The following DNMBP variants were observed in gnomAD, a reference collection of about 807,000 sequenced individuals.
DNMBP encodes dynamin-binding protein.
In DNMBP, 87 loss-of-function variants were observed where a neutral mutation model predicts 150.0. That is an observed-to-expected ratio of 0.58 (90% CI 0.49 to 0.69). DNMBP has a LOEUF of 0.69. Ranked by LOEUF, DNMBP falls within the 30% of genes least tolerant of loss-of-function variation. The pLI is 0.00. For synonymous variants in DNMBP, 711 were observed against 750.4 expected (o/e 0.95, Z 0.86); for missense variants, 1,774 against 1,949.0 (o/e 0.91, Z 1.69).
chr10:99,893,715 C>T (rs1216389696), intron 11 of DNMBP, among the ~76,000 whole-genome samples: 1 of 152,112 alleles, frequency 6.6e-6, no homozygotes, highest in Non-Finnish European at 1.5e-5. Context: ...GAGAGTGAGA[C>T]TCTGTCTCAA....
chr10:99,943,891 G>T (rs967064537), intron 4 of DNMBP, among the ~76,000 whole-genome samples: 4 of 152,140 alleles, frequency 2.6e-5, no homozygotes, highest in African/African-American at 9.7e-5. Context: ...GCTGTCTTTA[G>T]TGCATCTTAG....
chr10:99,942,494 C>T (rs2040311195), intron 4 of DNMBP, among the ~76,000 whole-genome samples: 1 of 152,150 alleles, frequency 6.6e-6, no homozygotes, highest in Non-Finnish European at 1.5e-5. Context: ...GGTGGGAACA[C>T]TCGCAACTAA....
intron 16 of DNMBP, 99 bp downstream of exon 16, chr10:99,879,712 C>T: frequency 6.4e-7 from 1 of 1,551,398 alleles, no homozygotes; most frequent in Non-Finnish European, 8.7e-7. Flanking sequence ...TCAGATCACC[C>T]CTAGGCCTCA....
intron 4 of DNMBP, among the ~76,000 whole-genome samples, chr10:99,931,620 T>C (rs1164710077): frequency 6.6e-6 from 1 of 152,206 alleles, no homozygotes; most frequent in African/African-American, 2.4e-5. Context: ...AGTTAATTCA[T>C]ACAACATATT....
chr10:99,915,140 C>CACACAT (rs1554863128), intron 4 of DNMBP, among the ~76,000 whole-genome samples: 2 of 137,228 alleles, frequency 1.5e-5, no homozygotes, highest in Admixed American at 7.5e-5. Flanking sequence ...CACACACACA[C>CACACAT]ATATATATAC....
Position 99,934,755 on chromosome 10 carries a change from A to C in DNMBP, c.2260+20459T>G, listed in dbSNP as rs918461156. Among the ~76,000 whole-genome samples the C allele has an allele frequency of 1.0e-4, 13 of 126,608 alleles. 1 individual carries two copies. The highest frequency in any genetic ancestry group is 9.0e-4 in the Admixed American group (11 of 12,222). The allele number at this position is 126,608 out of a possible 152,430, so 83.1% of individuals were successfully genotyped here. Reference sequence around the variant, plus strand: ...AAATAATGCGTGGGGACAAGATTTCAAAGGGTGAGATGGTGGGAATTGGAC... The same window carrying C: ...AAATAATGCGTGGGGACAAGATTTCCAAGGGTGAGATGGTGGGAATTGGAC... On this transcript the variant is annotated intron_variant, in intron 4 of 16. Coordinates refer to ENST00000324109, the MANE Select transcript of DNMBP (RefSeq NM_015221.4).
intron 1 of DNMBP, among the ~76,000 whole-genome samples, chr10:100,006,569 T>C (rs1412042539): frequency 2.0e-5 from 3 of 152,148 alleles, no homozygotes; most frequent in Non-Finnish European, 4.4e-5. Flanking sequence ...TCAACTTCAC[T>C]GTTCAAAGCT....
intron 5 of DNMBP, among the ~76,000 whole-genome samples, chr10:99,908,462 G>T (rs2039853852): frequency 6.6e-6 from 1 of 152,172 alleles, no homozygotes; most frequent in East Asian, 1.9e-4. Context: ...CAGCCCAGCT[G>T]GTCAAGTTAC....
chr10:99,964,135 C>CTTTTTTTTT lies in DNMBP; in HGVS notation c.268+4971_268+4979dup, dbSNP rs895801002. Reference sequence around the variant, plus strand: ...GTCTTTTCCTTGTCCTATTCTCTCTCTTTTTTTTTTTTTTTTTTTTTTTTG... The same window carrying CTTTTTTTTT: ...GTCTTTTCCTTGTCCTATTCTCTCTCTTTTTTTTTTTTTTTTTTTTTTTTTTTTTTTTTG... On this transcript the variant is annotated intron_variant, in intron 3 of 16. Transcript: ENST00000324109. Among the ~76,000 whole-genome samples the CTTTTTTTTT allele has an allele frequency of 4.7e-4, 41 of 87,216 alleles. 2 individuals carry two copies. The highest frequency in any genetic ancestry group is 1.9e-3 in the African/African-American group (38 of 20,488). The allele number at this position is 87,216 out of a possible 152,430, so 57.2% of individuals were successfully genotyped here. A position where few individuals can be genotyped will look rare whatever the true frequency, so the allele number is the denominator to read the frequency against.
At chr10:99,884,774 A>G (rs1435936818) in intron 14 of DNMBP, among the ~76,000 whole-genome samples, 1 of 152,084 alleles carries the variant, frequency 6.6e-6, no homozygotes, top group African/African-American at 2.4e-5. Context: ...ATGGTAACGC[A>G]TGCCTGTAAT....
intron 1 of DNMBP, among the ~76,000 whole-genome samples, chr10:99,994,020 G>T (rs946322534): frequency 1.3e-5 from 2 of 152,184 alleles, no homozygotes; most frequent in African/African-American, 4.8e-5. Context: ...AACAAACACA[G>T]TGTTTGATTA....
intron 4 of DNMBP, among the ~76,000 whole-genome samples, chr10:99,946,085 T>C (rs1236754690): frequency 6.6e-6 from 1 of 152,180 alleles, no homozygotes; most frequent in Non-Finnish European, 1.5e-5. Context: ...GTCTCCCAAG[T>C]AGCTGAGATT....
At chr10:99,980,643 TAA>T (rs559910759) in intron 1 of DNMBP, among the ~76,000 whole-genome samples, 19 of 144,270 alleles carry the variant, frequency 1.3e-4, no homozygotes, top group African/African-American at 2.5e-4. Context: ...AAATTAGAAT[TAA>T]AAAAAAAAAA....
chr10:99,956,621 G>T lies in DNMBP; in HGVS notation c.853C>A (p.Leu285Met). Reference sequence around the variant, plus strand: ...GGAAAGATGCCTGTCCTGCCCTTCAGGGATCCTTCCAGCCAGCCATCTTCC... The same window carrying T: ...GGAAAGATGCCTGTCCTGCCCTTCATGGATCCTTCCAGCCAGCCATCTTCC... ...TLEDGWLEGSLKGRTGIFPYR... is the reference protein window; with the variant it reads ...TLEDGWLEGSMKGRTGIFPYR... The change falls in exon 4 of 17, where the codon CTG becomes ATG. Residue 285 changes from leucine (L) to methionine (M), a missense_variant. This residue lies in a region of DNMBP where 344 missense variants were observed against 456.6 expected (regional missense o/e 0.75). Coordinates refer to ENST00000324109, the MANE Select transcript of DNMBP (RefSeq NM_015221.4). 6.2e-7 allele frequency: 1 copy of T among 1,614,114 alleles called. No individual in the cohort carries two copies. Among genetic ancestry groups the T allele is most frequent in the Non-Finnish European group, 8.5e-7 (1 of 1,180,004 alleles).
chr10:99,929,352 C>A (rs889999031), intron 4 of DNMBP, among the ~76,000 whole-genome samples: 1 of 151,952 alleles, frequency 6.6e-6, no homozygotes, highest in Non-Finnish European at 1.5e-5. Context: ...TCTGAAAAAA[C>A]CAGGAAGCGT....
At chr10:99,979,891 C>T (rs2040764802) in intron 1 of DNMBP, among the ~76,000 whole-genome samples, 1 of 152,176 alleles carries the variant, frequency 6.6e-6, no homozygotes, top group Non-Finnish European at 1.5e-5. Context: ...ACTGTCCGCT[C>T]AGAACTTGTT....
intron 6 of DNMBP, among the ~76,000 whole-genome samples, chr10:99,906,521 T>A (rs2039826884): frequency 6.6e-6 from 1 of 152,110 alleles, no homozygotes; most frequent in Non-Finnish European, 1.5e-5. Context: ...ATGTTCAAGA[T>A]CAGGTTATAG....
At position 99,969,240 on chromosome 10, in the gene DNMBP, G is replaced by C. The variant is rs745606691; in HGVS notation, c.146-3C>G. On this transcript the variant is annotated splice_polypyrimidine_tract_variant and splice_region_variant and intron_variant, in intron 2 of 16. Coordinates refer to ENST00000324109, the MANE Select transcript of DNMBP (RefSeq NM_015221.4). ...CACAAAACTGCTGGGGAATTGTCCT[G>C]AAAATAAAAGCAAACATATTAAATT... 8 of 1,613,576 alleles carry C rather than the reference G, an allele frequency of 5.0e-6. No homozygotes were observed. Among genetic ancestry groups the C allele is most frequent in the Non-Finnish European group, 5.9e-6 (7 of 1,179,832 alleles).
intron 15 of DNMBP, 115 bp downstream of exon 15, chr10:99,883,896 C>T: frequency 1.2e-6 from 1 of 849,974 alleles, no homozygotes; most frequent in Non-Finnish European, 1.8e-6. Flanking sequence ...GTTATTTTTC[C>T]CCTTAATCAA....
Sources: allele counts gnomAD v4.1 joint callset (sites outside exome capture counted in the v4.1 genomes callset), GRCh38; gene constraint gnomAD v4.1.1; regional missense constraint gnomAD v4.1.1; transcripts MANE v1.5; gene names NCBI Gene and HGNC (gene_info 2026-07-23, HGNC 2026-07-21).